The following NAALADL2 variants were observed in gnomAD, a reference collection of about 807,000 sequenced individuals.
NAALADL2 encodes the protein inactive N-acetylated-alpha-linked acidic dipeptidase-like protein 2.
In NAALADL2, 76 loss-of-function variants were observed where a neutral mutation model predicts 87.2. That is an observed-to-expected ratio of 0.87 (90% CI 0.72 to 1.05). The LOEUF (loss-of-function observed/expected upper bound fraction) is 1.05, where lower values mean the gene tolerates loss of function less well. NAALADL2 is among the 50% of genes least tolerant of loss of function. The pLI is 0.00. For missense variants in NAALADL2, 1,089 were observed against 945.8 expected (o/e 1.15, Z -1.99); for synonymous variants, 354 against 331.0 (o/e 1.07, Z -0.75).
At chr3:175,407,797 G>A (rs2149080506) in intron 5 of NAALADL2, among the ~76,000 whole-genome samples, 1 of 152,260 alleles carries the variant, frequency 6.6e-6, no homozygotes, top group Admixed American at 6.5e-5. Flanking sequence ...AAGCTATAGT[G>A]AACCTCTAAT....
rs368661521 is a variant in NAALADL2 at position 174,488,090 on chromosome 3, G to A, written c.-184+47058G>A. Among the ~76,000 whole-genome samples, 3 of 152,000 alleles carry A rather than the reference G, an allele frequency of 2.0e-5. No homozygotes were observed. In the East Asian group the frequency reaches 5.8e-4, roughly 29 times the overall value. On this transcript the variant is annotated intron_variant, in intron 1 of 3. Transcript: ENST00000434257. ...AGAAGAATAAATTGGAGATAGCTCA[G>A]AAGTTTAGTAATATTAATAATCACT...
At chr3:175,124,895 G>A (rs1726704358) in intron 2 of NAALADL2, among the ~76,000 whole-genome samples, 1 of 151,884 alleles carries the variant, frequency 6.6e-6, no homozygotes, top group Admixed American at 6.6e-5. Context: ...GCAGAAATGG[G>A]GATAGACAAT....
intron 3 of NAALADL2, among the ~76,000 whole-genome samples, chr3:174,837,317 A>G (rs946970848): frequency 1.3e-5 from 2 of 152,202 alleles, no homozygotes; most frequent in African/African-American, 4.8e-5. Flanking sequence ...AGAGATTACA[A>G]CTGACACCAC....
rs1426050577 is a variant in NAALADL2 at position 175,148,085 on chromosome 3, GATAATGATAATAATA to G, written c.545+50800_545+50814del. Among the ~76,000 whole-genome samples the G allele has an allele frequency of 4.8e-3, 531 of 110,340 alleles. 1 individual carries two copies. The highest frequency in any genetic ancestry group is 0.014 in the African/African-American group (478 of 33,402). The allele number at this position is 110,340 out of a possible 152,430, so 72.4% of individuals were successfully genotyped here. On this transcript the variant is annotated intron_variant, in intron 2 of 13. Transcript: ENST00000454872. The stretch of plus-strand genomic sequence containing the variant: ...AACTCTGTCTCAAAATAATAATAAT[GATAATGATAATAATA>G]ATAATAATAATAATAATAATAATAA...
chr3:175,391,667 A>T (rs1483095198), intron 5 of NAALADL2, among the ~76,000 whole-genome samples: 2 of 152,194 alleles, frequency 1.3e-5, no homozygotes, highest in African/African-American at 4.8e-5. Context: ...TCTTGACCTA[A>T]AGAAACTGTA....
intron 11 of NAALADL2, among the ~76,000 whole-genome samples, chr3:175,658,233 A>T (rs1054233186): frequency 2.6e-5 from 4 of 152,080 alleles, no homozygotes; most frequent in African/African-American, 7.2e-5. Flanking sequence ...GTTGCTATGG[A>T]TTATTTAATC....
intron 3 of NAALADL2, among the ~76,000 whole-genome samples, chr3:174,775,482 A>AT (rs1715095292): frequency 6.6e-6 from 1 of 152,172 alleles, no homozygotes; most frequent in Non-Finnish European, 1.5e-5. Flanking sequence ...TATTTTATTA[A>AT]TTTTACTGCT....
intron 2 of NAALADL2, among the ~76,000 whole-genome samples, chr3:174,572,573 TTCAAAAAGGATA>T (rs1402707338): frequency 6.6e-6 from 1 of 152,128 alleles, no homozygotes; most frequent in South Asian, 2.1e-4. Context: ...AATATTGTTA[TTCAAAAAGGATA>T]TTATTTGTTA....
At chr3:174,588,158 C>T (rs1463569715) in intron 2 of NAALADL2, among the ~76,000 whole-genome samples, 3 of 152,058 alleles carry the variant, frequency 2.0e-5, no homozygotes, top group Non-Finnish European at 4.4e-5. Flanking sequence ...TTTACTTGAT[C>T]GTATCAGATA....
chr3:174,582,828 T>C (rs922605460), intron 2 of NAALADL2, among the ~76,000 whole-genome samples: 2 of 152,174 alleles, frequency 1.3e-5, no homozygotes, highest in Non-Finnish European at 2.9e-5. Flanking sequence ...AAGTGATCCA[T>C]CTGCCTTGGC....
At chr3:174,946,115 T>G (rs1404292507) in intron 1 of NAALADL2, among the ~76,000 whole-genome samples, 1 of 151,114 alleles carries the variant, frequency 6.6e-6, no homozygotes, top group Non-Finnish European at 1.5e-5. Flanking sequence ...ATTCTGTGAC[T>G]ATTCCTCTTG....
At chr3:175,675,384 G>C (rs1044743277) in intron 11 of NAALADL2, 1 of 152,176 alleles carries the variant, frequency 6.6e-6, no homozygotes, top group Non-Finnish European at 1.5e-5. Context: ...GGTACAAATG[G>C]TCATTCTTCA....
chr3:174,617,829 T>TA (rs1368114744), intron 2 of NAALADL2, among the ~76,000 whole-genome samples: 1 of 151,758 alleles, frequency 6.6e-6, no homozygotes, highest in East Asian at 1.9e-4. Context: ...TAATGGAATT[T>TA]AAAAATATTT....
intron 1 of NAALADL2, among the ~76,000 whole-genome samples, chr3:175,024,573 G>A (rs938476862): frequency 1.3e-5 from 2 of 151,842 alleles, no homozygotes; most frequent in African/African-American, 2.4e-5. Context: ...AAACTAAATG[G>A]CACATATGTA....
chr3:175,314,689 T>G (rs1398691306), intron 4 of NAALADL2, among the ~76,000 whole-genome samples: 7 of 37,260 alleles, frequency 1.9e-4, no homozygotes, highest in South Asian at 1.9e-3. Flanking sequence ...TATATATATA[T>G]ATATATATAT....
At chr3:174,516,757 T>C (rs1390510209) in intron 1 of NAALADL2, among the ~76,000 whole-genome samples, 1 of 152,046 alleles carries the variant, frequency 6.6e-6, no homozygotes, top group Non-Finnish European at 1.5e-5. Flanking sequence ...TATATAGTAC[T>C]GTTTTTACTA....
chr3:175,346,073 C>T (rs1763123176), intron 5 of NAALADL2, among the ~76,000 whole-genome samples: 1 of 152,018 alleles, frequency 6.6e-6, no homozygotes, highest in African/African-American at 2.4e-5. Flanking sequence ...TTCAAGCTGC[C>T]TTTTTGTGCA....
chr3:175,513,744 C>T (rs946474432), intron 9 of NAALADL2, among the ~76,000 whole-genome samples: 1 of 152,188 alleles, frequency 6.6e-6, no homozygotes, highest in Non-Finnish European at 1.5e-5. Context: ...CAGCGTGTGG[C>T]ATCTTGGATC....
chr3:175,716,503 G>C (rs1299633805), intron 11 of NAALADL2, among the ~76,000 whole-genome samples: 3 of 151,882 alleles, frequency 2.0e-5, no homozygotes, highest in Non-Finnish European at 4.4e-5. Flanking sequence ...TGACTAAGAA[G>C]CTCAAAATTA....
Sources: allele counts gnomAD v4.1 joint callset (sites outside exome capture counted in the v4.1 genomes callset), GRCh38; gene constraint gnomAD v4.1.1; transcripts MANE v1.5; gene names NCBI Gene and HGNC (gene_info 2026-07-23, HGNC 2026-07-21).